Variants in ABCA13 observed in about 807,000 individuals in gnomAD.
The protein encoded by ABCA13 is ATP binding cassette subfamily A member 13, also known as ATP-binding cassette sub-family A member 13.
ABCA13 carries 476 observed loss-of-function variants against 478.7 expected under a neutral mutation model. The ratio of observed to expected loss-of-function variants is 0.99; its 90% confidence interval spans 0.92 to 1.07. ABCA13 has a LOEUF of 1.07. Ranked by LOEUF, ABCA13 falls within the 50% of genes least tolerant of loss-of-function variation. The pLI is 0.00. For synonymous variants in ABCA13, 2,252 were observed against 2,158.9 expected, an observed-to-expected ratio of 1.04 and a Z score of -1.20; for missense variants, 6,060 against 5,910.6, an observed-to-expected ratio of 1.03 and a Z score of -0.83.
At position 48,271,880 on chromosome 7, in the gene ABCA13, AT is replaced by A. The variant is rs1562926252; in HGVS notation, c.2220del (p.Phe740LeufsTer29). 6.2e-7 allele frequency: 1 copy of A among 1,610,658 alleles called. No homozygotes were observed. The highest frequency in any genetic ancestry group is 8.5e-7 in the Non-Finnish European group (1 of 1,178,244). Reference protein sequence around the residue: ...QMNFLLSFVEFFEKLLLPNLF... With the variant: ...QMNFLLSFVEXFEKLLLPNLF... ...TGAACTTTCTTTTATCATTTGTGGAATTTTTTGAGAAATTATTGTTGCCTAA... is the reference window on the plus strand; with the variant it reads ...TGAACTTTCTTTTATCATTTGTGGAATTTTTGAGAAATTATTGTTGCCTAA... On this transcript the variant is annotated frameshift_variant, in exon 17 of 62. Transcript: ENST00000435803. LOFTEE classifies it high-confidence loss of function.
In ABCA13 at chr7:48,179,822, C is replaced by T. The variant is rs372787949; in HGVS notation, c.69+8270C>T. ...CTCCTTCTTCATTTTGTCACATCAG[C>T]GGAGCCAGATGGTGTCAGAGTATGC... On this transcript the variant is annotated intron_variant, in intron 1 of 61. Coordinates refer to ENST00000435803, the MANE Select transcript of ABCA13 (RefSeq NM_152701.5). Among the ~76,000 whole-genome samples the T allele has an allele frequency of 5.9e-5, 9 of 152,296 alleles. No homozygotes were observed. The East Asian group carries it at 9.7e-4, about 16-fold the overall frequency.
At chr7:48,479,187 T>G (rs1383055327) in intron 45 of ABCA13, among the ~76,000 whole-genome samples, 1 of 151,932 alleles carries the variant, frequency 6.6e-6, no homozygotes, top group Non-Finnish European at 1.5e-5. Context: ...CCTGACCTCG[T>G]GATCTGCCCG....
At position 48,276,110 on chromosome 7, in the gene ABCA13, T is replaced by C; in HGVS notation, c.6444T>C (p.Pro2148=). 1 of 1,598,890 alleles carries C rather than the reference T, an allele frequency of 6.3e-7. No individual in the cohort carries two copies. Among genetic ancestry groups the C allele is most frequent in the East Asian group, 2.2e-5 (1 of 44,584 alleles). The stretch of plus-strand genomic sequence containing the variant: ...GAATGATAGAAACATTATTCATTCC[T>C]GTGACCAATGAGAGTTCAACTGAAG... ...YSRMIETLFI[P]VTNESSTEDI... Residue 2148 remains proline, a synonymous_variant, in exon 17 of 62, where the codon CCT becomes CCC. Transcript: ENST00000435803.
At chr7:48,480,907 A>G (rs1428318137) in intron 45 of ABCA13, 129 bp from the exon 46 acceptor site, 5 of 653,440 alleles carry the variant, frequency 7.7e-6, no homozygotes, top group South Asian at 2.0e-5. Flanking sequence ...TAGAACATAT[A>G]AAGGGCTGCA....
intron 53 of ABCA13, among the ~76,000 whole-genome samples, chr7:48,522,349 T>G (rs1364234732): frequency 6.6e-6 from 1 of 152,254 alleles, no homozygotes; most frequent in African/African-American, 2.4e-5. Context: ...ACTGTCCTGC[T>G]GCTGGCCTTG....
intron 7 of ABCA13, among the ~76,000 whole-genome samples, chr7:48,233,595 A>G (rs906192738): frequency 6.6e-6 from 1 of 152,220 alleles, no homozygotes; most frequent in Non-Finnish European, 1.5e-5. Flanking sequence ...ACTATAATTT[A>G]TCCTTTCCCT....
chr7:48,198,712 T>C (rs1489226172), intron 3 of ABCA13, among the ~76,000 whole-genome samples: 1 of 152,262 alleles, frequency 6.6e-6, no homozygotes, highest in Non-Finnish European at 1.5e-5. Flanking sequence ...CAATTATTTT[T>C]TGAGCTACCT....
intron 42 of ABCA13, among the ~76,000 whole-genome samples, chr7:48,437,735 A>G (rs1304114494): frequency 6.6e-6 from 1 of 151,958 alleles, no homozygotes. Flanking sequence ...AATTTTTGCA[A>G]ATTGGTGTGG....
Position 48,273,956 on chromosome 7 carries a change from A to C in ABCA13, c.4290A>C (p.Lys1430Asn). 1 of 1,611,002 alleles carries C rather than the reference A, an allele frequency of 6.2e-7. No individual in the cohort carries two copies. The highest frequency in any genetic ancestry group is 8.5e-7 in the Non-Finnish European group (1 of 1,178,208). The part of the protein sequence containing the change: ...ILGNFRDIEN[K>N]MNSILKIVTW... The stretch of plus-strand genomic sequence containing the variant: ...GGAATTTCAGAGATATAGAAAACAA[A>C]ATGAACTCTATATTAAAAATTGTAA... The change falls in exon 17 of 62, where the codon AAA (lysine) becomes AAC (asparagine). Residue 1430 changes from lysine to asparagine, a missense_variant. By Grantham distance (94) the Lys-to-Asn change is moderately conservative (BLOSUM62 0). Around this residue, in one of 3 missense-constraint regions of ABCA13, gnomAD observed 4,423 missense variants for 4,309.1 expected, o/e 1.03. Coordinates refer to ENST00000435803, the MANE Select transcript of ABCA13 (RefSeq NM_152701.5).
At chr7:48,548,542 T>A (rs66956570) in intron 55 of ABCA13, among the ~76,000 whole-genome samples, 21,093 of 149,626 alleles carry the variant, frequency 0.14, 2,035 homozygotes, top group African/African-American at 0.23. Flanking sequence ...CACCAGCATG[T>A]AACACATTTT....
intron 40 of ABCA13, 93 bp from the exon 41 acceptor site, chr7:48,412,260 A>T: frequency 1.1e-6 from 1 of 919,416 alleles, no homozygotes; most frequent in South Asian, 1.9e-5. Flanking sequence ...GGAGTTTTGA[A>T]ATAATTTGCT....
At chr7:48,428,303 CTG>C (rs1448795777) in intron 42 of ABCA13, among the ~76,000 whole-genome samples, 2 of 152,192 alleles carry the variant, frequency 1.3e-5, no homozygotes, top group African/African-American at 2.4e-5. Flanking sequence ...CATGCGACCT[CTG>C]TCCCTTTGGG....
At chr7:48,171,673 T>C in intron 1 of ABCA13, 121 bp downstream of exon 1, 1 of 1,106,092 alleles carries the variant, frequency 9.0e-7, no homozygotes, top group Non-Finnish European at 1.3e-6. Flanking sequence ...GCAGGGAATT[T>C]GGGGAGGTTG....
chr7:48,248,169 G>A, intron 13 of ABCA13, 70 bp from the exon 14 acceptor site: 2 of 1,326,740 alleles, frequency 1.5e-6, no homozygotes, highest in Non-Finnish European at 2.1e-6. Flanking sequence ...ACAGGGTCAA[G>A]GCTGCGTCTC....
chr7:48,201,718 A>T (rs1220604417), intron 3 of ABCA13, among the ~76,000 whole-genome samples: 1 of 152,156 alleles, frequency 6.6e-6, no homozygotes, highest in Non-Finnish European at 1.5e-5. Flanking sequence ...AGACTGTCTC[A>T]AAAAAACAAA....
intron 39 of ABCA13, among the ~76,000 whole-genome samples, chr7:48,407,905 TG>T (rs1818473383): frequency 6.6e-6 from 1 of 152,186 alleles, no homozygotes; most frequent in African/African-American, 2.4e-5. Context: ...TATGGGAGGA[TG>T]TACTTAGGTT....
chr7:48,242,121 G>A (rs112799494), intron 10 of ABCA13, among the ~76,000 whole-genome samples: 2,158 of 152,166 alleles, frequency 0.014, 22 homozygotes, highest in Middle Eastern at 0.054. Context: ...CTGCTGGTCT[G>A]TCACTTAATG....
chr7:48,594,540 C>T (rs933358757), intron 57 of ABCA13, among the ~76,000 whole-genome samples, 170 bp from the exon 58 acceptor site: 3 of 152,110 alleles, frequency 2.0e-5, no homozygotes, highest in African/African-American at 7.2e-5. Context: ...TCACATTCCC[C>T]TATCATTCTG....
intron 58 of ABCA13, among the ~76,000 whole-genome samples, chr7:48,613,329 C>T (rs1792215626): frequency 6.6e-6 from 1 of 152,036 alleles, no homozygotes; most frequent in South Asian, 2.1e-4. Flanking sequence ...GCTGGGATTA[C>T]AGGTGCCCCC....
Sources: gnomAD v4.1 joint callset for allele counts (sites outside exome capture counted in the v4.1 genomes callset) on GRCh38, gnomAD v4.1.1 for gene constraint, gnomAD v4.1.1 regional missense constraint, MANE v1.5 for transcripts, NCBI Gene and HGNC (gene_info 2026-07-23, HGNC 2026-07-21) for gene names.